Variants in SSMEM1 observed in about 807,000 individuals in gnomAD.
The protein encoded by SSMEM1 is serine rich single-pass membrane protein 1.
Under a neutral mutation model 9.9 loss-of-function variants are expected in SSMEM1, and 12 were observed. The ratio of observed to expected loss-of-function variants is 1.21; its 90% CI spans 0.78 to 1.96. SSMEM1 has a LOEUF of 1.96. SSMEM1 is among the 30% of genes most tolerant of loss of function. SSMEM1 has a pLI of 0.00. For synonymous variants in SSMEM1, 96 were observed against 98.9 expected, an observed-to-expected ratio of 0.97 and a Z score of 0.17; for missense variants, 259 against 292.2, an observed-to-expected ratio of 0.89 and a Z score of 0.83.
intron 2 of SSMEM1, among the ~76,000 whole-genome samples, chr7:130,214,818 A>G (rs1798672578): frequency 6.6e-6 from 1 of 152,206 alleles, no homozygotes. Flanking sequence ...GTAATATGTA[A>G]TCTGCATTAG....
At chr7:130,215,510 C>T (rs911859875) in intron 2 of SSMEM1, among the ~76,000 whole-genome samples, 1 of 152,122 alleles carries the variant, frequency 6.6e-6, no homozygotes, top group Non-Finnish European at 1.5e-5. Context: ...CTATGTTTAA[C>T]CATCTCTCAA....
chr7:130,215,105 C>T (rs1231925358), intron 2 of SSMEM1, among the ~76,000 whole-genome samples: 1 of 152,142 alleles, frequency 6.6e-6, no homozygotes, highest in African/African-American at 2.4e-5. Flanking sequence ...GAGTTCGAGA[C>T]CAGCCTGGCC....
At chr7:130,213,710 A>AAAAAAAAAAAG (rs1562906803) in intron 2 of SSMEM1, among the ~76,000 whole-genome samples, 176 bp downstream of exon 2, 52 of 119,258 alleles carry the variant, frequency 4.4e-4, no homozygotes, top group Middle Eastern at 4.1e-3. Context: ...AAAAAAAAAA[A>AAAAAAAAAAAG]AAAAGAAAAG....
Position 130,216,744 on chromosome 7 carries a change from T to C in SSMEM1, c.*274T>C. The C allele has an allele frequency of 2.4e-6, 1 of 415,280 alleles. No individual in the cohort carries two copies. Among genetic ancestry groups the C allele is most frequent in the Non-Finnish European group, 4.3e-6 (1 of 232,764 alleles). 25.7% of individuals were successfully genotyped at this position (415,280 alleles called of 1,614,324 possible). On this transcript the variant is annotated 3_prime_UTR_variant, in exon 3 of 3. Transcript: ENST00000297819. ...AGCACAAGACAGATATTTTGTGCCT[T>C]GAGTGTATATATTTTGTGCCTTGAG...
chr7:130,206,340 G>C (rs1252452096), upstream of SSMEM1, among the ~76,000 whole-genome samples: 1 of 152,208 alleles, frequency 6.6e-6, no homozygotes, highest in East Asian at 1.9e-4. Context: ...CCCAGCTCTC[G>C]CGAGCTTCCT....
upstream of SSMEM1, among the ~76,000 whole-genome samples, chr7:130,205,864 C>T (rs563975190): frequency 2.0e-5 from 3 of 151,768 alleles, no homozygotes; most frequent in Non-Finnish European, 2.9e-5. Context: ...TTGGTAGAGA[C>T]AGGGTTTCGC....
At chr7:130,205,540 T>C, upstream of SSMEM1, 1 of 1,097,590 alleles carries the variant, frequency 9.1e-7, no homozygotes, top group Non-Finnish European at 1.4e-6. Flanking sequence ...CTCGGAGCGT[T>C]ACCAGGGAAA....
intron 1 of SSMEM1, among the ~76,000 whole-genome samples, chr7:130,208,605 C>A (rs1456407307): frequency 6.6e-6 from 1 of 152,186 alleles, no homozygotes. Context: ...CTGGCATAAA[C>A]CTCCCTGCTG....
chr7:130,216,332 C>T lies in SSMEM1; in HGVS notation c.597C>T (p.Leu199=). The change falls in exon 3 of 3, where the codon CTC becomes CTT. Residue 199 remains leucine (L), a synonymous_variant. Coordinates refer to ENST00000297819, the MANE Select transcript of SSMEM1 (RefSeq NM_145268.4). The stretch of plus-strand genomic sequence containing the variant: ...ACCAAATGAGCGAAAGGCACTGCCT[C>T]CACTGCAAAGCCTTGAGAACCAACG... The part of the protein sequence containing the change: ...GSYQMSERHC[L]HCKALRTNEW... 6.2e-7 allele frequency: 1 copy of T among 1,614,190 alleles called. No homozygotes were observed. Among genetic ancestry groups the T allele is most frequent in the Non-Finnish European group, 8.5e-7 (1 of 1,180,046 alleles).
Position 130,216,652 on chromosome 7 carries a change from A to G in SSMEM1, c.*182A>G, listed in dbSNP as rs1798716626. 1.4e-6 allele frequency: 1 copy of G among 723,310 alleles called. No homozygotes were observed. Among genetic ancestry groups the G allele is most frequent in the African/African-American group, 1.8e-5 (1 of 56,032 alleles). The allele number at this position is 723,310 out of a possible 1,614,324, so 44.8% of individuals were successfully genotyped here. A position where few individuals can be genotyped will look rare whatever the true frequency, so the allele number is the denominator to read the frequency against. On this transcript the variant is annotated 3_prime_UTR_variant, in exon 3 of 3. Transcript: ENST00000297819. ...TTCTTCGTTCAAAAAAAAAAAGGCC[A>G]TCACGTGTTTATGGCACCATTGGAA...
At chr7:130,208,328 C>T (rs1026313275) in intron 1 of SSMEM1, among the ~76,000 whole-genome samples, 2 of 152,192 alleles carry the variant, frequency 1.3e-5, no homozygotes, top group Non-Finnish European at 2.9e-5. Flanking sequence ...GGAGTATGTT[C>T]TTCCAGTTTG....
Position 130,216,810 on chromosome 7 carries a change from C to A in SSMEM1, c.*340C>A. 7.9e-6 allele frequency: 2 copies of A among 251,740 alleles called. No individual in the cohort carries two copies. Among genetic ancestry groups the A allele is most frequent in the South Asian group, 1.2e-4 (2 of 16,190 alleles). The allele number at this position is 251,740 out of a possible 1,614,324, so 15.6% of individuals were successfully genotyped here. A position where few individuals can be genotyped will look rare whatever the true frequency, so the allele number is the denominator to read the frequency against. Reference sequence around the variant, plus strand: ...TATGTCTGTAATATGAATAAGAAAGCTCTTTGAAAATGTATTATTTATGTT... The same window carrying A: ...TATGTCTGTAATATGAATAAGAAAGATCTTTGAAAATGTATTATTTATGTT... On this transcript the variant is annotated 3_prime_UTR_variant, in exon 3 of 3. Coordinates refer to ENST00000297819, the MANE Select transcript of SSMEM1 (RefSeq NM_145268.4).
intron 2 of SSMEM1, among the ~76,000 whole-genome samples, chr7:130,215,684 C>A (rs1484433984): frequency 6.6e-6 from 1 of 152,158 alleles, no homozygotes; most frequent in Non-Finnish European, 1.5e-5. Flanking sequence ...GAGTTCTTCC[C>A]TGGAAAAGTT....
Position 130,216,041 on chromosome 7 carries a change from G to T in SSMEM1, c.306G>T (p.Lys102Asn). ...DSAWDPSQTMKKPKQNQLTPV... is the reference protein window; with the variant it reads ...DSAWDPSQTMNKPKQNQLTPV... ...CCTGGGATCCCTCACAAACAATGAA[G>T]AAACCAAAGCAGAACCAACTTACCC... Residue 102 changes from lysine (K) to asparagine (N), a missense_variant, in exon 3 of 3, where the codon AAG (lysine) becomes AAT (asparagine). Coordinates refer to ENST00000297819, the MANE Select transcript of SSMEM1 (RefSeq NM_145268.4). 6.2e-7 allele frequency: 1 copy of T among 1,614,152 alleles called. No homozygotes were observed. Among genetic ancestry groups the T allele is most frequent in the South Asian group, 1.1e-5 (1 of 91,086 alleles).
At chr7:130,206,777 G>A (rs1324680778), upstream of SSMEM1, 1 of 153,644 alleles carries the variant, frequency 6.5e-6, no homozygotes, top group Non-Finnish European at 1.5e-5. Context: ...ACGAGGTCAG[G>A]AGATGGAGAC....
At chr7:130,212,743 AAAAACAAAAAAAC>A (rs534854737) in intron 1 of SSMEM1, among the ~76,000 whole-genome samples, 73 of 151,996 alleles carry the variant, frequency 4.8e-4, no homozygotes, top group Middle Eastern at 6.8e-3. Context: ...AAACAAAAAC[AAAAACAAAAAAAC>A]AAAACAAAAA....
chr7:130,208,200 T>A, intron 1 of SSMEM1, 107 bp downstream of exon 1: 1 of 1,153,778 alleles, frequency 8.7e-7, no homozygotes, highest in Non-Finnish European at 1.2e-6. Context: ...AAAAGTTGTT[T>A]AGTTTTAAAA....
chr7:130,210,499 A>G (rs1251820806), intron 1 of SSMEM1, among the ~76,000 whole-genome samples: 3 of 152,228 alleles, frequency 2.0e-5, no homozygotes, highest in African/African-American at 7.2e-5. Context: ...CTTTCAGACT[A>G]TAAATACTAT....
At position 130,208,110 on chromosome 7, in the gene SSMEM1, T is replaced by C; in HGVS notation, c.183+17T>C. On this transcript the variant is annotated intron_variant, in intron 1 of 2. Coordinates refer to ENST00000297819, the MANE Select transcript of SSMEM1 (RefSeq NM_145268.4). ...TCTGTCTGGGTAGGATATCTTTTTT[T>C]CATTTTAAATAATATGTTTACTGTA... 6.3e-7 allele frequency: 1 copy of C among 1,584,330 alleles called. No homozygotes were observed.
Sources: gnomAD v4.1 joint callset for allele counts (sites outside exome capture counted in the v4.1 genomes callset) on GRCh38, gnomAD v4.1.1 for gene constraint, MANE v1.5 for transcripts, NCBI Gene and HGNC (gene_info 2026-07-23, HGNC 2026-07-21) for gene names.